GALNT13: variants seen among roughly 807,000 people sequenced by gnomAD.
GALNT13 encodes the protein UDP-GalNAc:polypeptide N-acetylgalactosaminyltransferase 13.
Under a neutral mutation model 64.2 loss-of-function variants are expected in GALNT13, and 28 were observed. The observed-to-expected ratio is 0.44, with a 90% CI of 0.32 to 0.60. The LOEUF (loss-of-function observed/expected upper bound fraction) is 0.60. Ranked by LOEUF, GALNT13 falls within the 20% of genes least tolerant of loss-of-function variation. The pLI, the probability that GALNT13 is intolerant of heterozygous loss-of-function variation, is 0.05. For synonymous variants in GALNT13, 214 were observed against 224.6 expected (o/e 0.95, Z 0.42); for missense variants, 577 against 669.8 (o/e 0.86, Z 1.53).
the GALNT13 span, among the ~76,000 whole-genome samples, chr2:153,300,120 A>C: frequency 1.3e-5 from 2 of 152,222 alleles, no homozygotes; most frequent in Non-Finnish European, 2.9e-5. Flanking sequence ...TTTTATATCA[A>C]GAAGGAAAAG....
At chr2:153,531,714 A>G in the GALNT13 span, among the ~76,000 whole-genome samples, 11 of 152,160 alleles carry the variant, frequency 7.2e-5, no homozygotes, top group Non-Finnish European at 1.5e-4. Context: ...AATAATAATA[A>G]CTACTTAGTT....
At chr2:153,681,475 C>T in the GALNT13 span, among the ~76,000 whole-genome samples, 1 of 151,830 alleles carries the variant, frequency 6.6e-6, no homozygotes, top group Non-Finnish European at 1.5e-5. Context: ...TGAATACTAA[C>T]ATCCTTTAAG....
the GALNT13 span, among the ~76,000 whole-genome samples, chr2:153,154,262 G>T: frequency 6.6e-6 from 1 of 152,082 alleles, no homozygotes; most frequent in East Asian, 1.9e-4. Context: ...ATATCTGATG[G>T]TTTTATAAAG....
At chr2:154,175,970 C>T (rs1685623861) in intron 4 of GALNT13, among the ~76,000 whole-genome samples, 1 of 151,882 alleles carries the variant, frequency 6.6e-6, no homozygotes, top group African/African-American at 2.4e-5. Flanking sequence ...TATTTTCCCC[C>T]ATCCAAGTTT....
chr2:153,670,315 G>T, the GALNT13 span, among the ~76,000 whole-genome samples: 1 of 152,152 alleles, frequency 6.6e-6, no homozygotes, highest in African/African-American at 2.4e-5. Context: ...TTTCATACAG[G>T]TGGTTGCCTC....
chr2:153,281,491 C>G, the GALNT13 span, among the ~76,000 whole-genome samples: 2 of 152,104 alleles, frequency 1.3e-5, no homozygotes, highest in African/African-American at 4.8e-5. Context: ...GGGCTATGAA[C>G]TAAGTGTGTT....
At chr2:154,333,573 T>C (rs185071150) in intron 9 of GALNT13, among the ~76,000 whole-genome samples, 4 of 152,254 alleles carry the variant, frequency 2.6e-5, no homozygotes, top group Admixed American at 2.6e-4. Context: ...ACATCTTCAA[T>C]TGTGTAAAAC....
the GALNT13 span, among the ~76,000 whole-genome samples, chr2:153,768,984 G>A: frequency 5.9e-5 from 9 of 152,144 alleles, no homozygotes; most frequent in East Asian, 1.7e-3. Context: ...TGAATCTGTA[G>A]CTGTCTTTAG....
Position 153,935,850 on chromosome 2 carries a change from A to T in GALNT13, c.-104-8544A>T, listed in dbSNP as rs577728899. 1.8e-4 allele frequency among the ~76,000 whole-genome samples: 27 copies of T among 152,270 alleles called. No homozygotes were observed. In the South Asian group the frequency reaches 5.6e-3, roughly 32 times the overall value. Reference sequence around the variant, plus strand: ...CCCCACAACTCTTGGTGTACAAGCCATTTCTTCCCCAGATGTCAGTTATTG... The same window carrying T: ...CCCCACAACTCTTGGTGTACAAGCCTTTTCTTCCCCAGATGTCAGTTATTG... On this transcript the variant is annotated intron_variant, in intron 2 of 12. Coordinates refer to ENST00000392825, the MANE Select transcript of GALNT13 (RefSeq NM_052917.4).
At chr2:154,446,617 A>G (rs1182030772) in intron 12 of GALNT13, 23 of 1,548,370 alleles carry the variant, frequency 1.5e-5, no homozygotes, top group Non-Finnish European at 1.9e-5. Context: ...TCAGTGAACA[A>G]AGTAGCTGAT....
At chr2:153,864,214 C>T in the GALNT13 span, among the ~76,000 whole-genome samples, 1 of 152,064 alleles carries the variant, frequency 6.6e-6, no homozygotes, top group Non-Finnish European at 1.5e-5. Flanking sequence ...TGTTGCTCTC[C>T]GTGGTACTGA....
the GALNT13 span, among the ~76,000 whole-genome samples, chr2:153,205,022 C>T: frequency 6.6e-6 from 1 of 152,018 alleles, no homozygotes; most frequent in South Asian, 2.1e-4. Flanking sequence ...AGACTTTTTG[C>T]TTTGCTTCAG....
chr2:154,126,877 GAA>G (rs1010015846), intron 3 of GALNT13, among the ~76,000 whole-genome samples: 15 of 151,988 alleles, frequency 9.9e-5, no homozygotes, highest in African/African-American at 3.6e-4. Flanking sequence ...CAGTACATGG[GAA>G]AAAAGAGGCC....
intron 3 of GALNT13, among the ~76,000 whole-genome samples, chr2:154,000,356 C>T (rs889073466): frequency 1.3e-5 from 2 of 151,812 alleles, no homozygotes; most frequent in African/African-American, 2.4e-5. Flanking sequence ...TAATTTTGGG[C>T]GTACTTTGTT....
At chr2:153,694,487 G>C in the GALNT13 span, among the ~76,000 whole-genome samples, 1 of 152,142 alleles carries the variant, frequency 6.6e-6, no homozygotes, top group Non-Finnish European at 1.5e-5. Flanking sequence ...CAGATATAAT[G>C]AATGAAAGAA....
At chr2:153,780,667 G>A in the GALNT13 span, among the ~76,000 whole-genome samples, 1 of 152,166 alleles carries the variant, frequency 6.6e-6, no homozygotes, top group African/African-American at 2.4e-5. Flanking sequence ...ACATCCACGT[G>A]GAGGAACTAC....
At chr2:153,727,983 G>C in the GALNT13 span, among the ~76,000 whole-genome samples, 9 of 152,178 alleles carry the variant, frequency 5.9e-5, no homozygotes, top group Non-Finnish European at 1.2e-4. Flanking sequence ...TTATGAGTGA[G>C]AACATGTGGT....
chr2:154,207,459 T>C (rs924021327), intron 4 of GALNT13, among the ~76,000 whole-genome samples: 1 of 152,224 alleles, frequency 6.6e-6, no homozygotes, highest in Non-Finnish European at 1.5e-5. Context: ...CCTTATTCTC[T>C]GTGGCTTGTT....
chr2:154,286,330 AT>A (rs1692264842), intron 8 of GALNT13, among the ~76,000 whole-genome samples: 1 of 152,100 alleles, frequency 6.6e-6, no homozygotes, highest in Admixed American at 6.5e-5. Flanking sequence ...CATGGCTTTT[AT>A]TGTATTGGGG....
Sources: allele counts gnomAD v4.1 joint callset (sites outside exome capture counted in the v4.1 genomes callset), GRCh38; gene constraint gnomAD v4.1.1; transcripts MANE v1.5; gene names NCBI Gene and HGNC (gene_info 2026-07-23, HGNC 2026-07-21).